LUZP2: variants seen among roughly 807,000 people sequenced by gnomAD.
The protein encoded by LUZP2 is leucine zipper protein 2.
LUZP2 carries 52 observed loss-of-function variants against 51.6 expected under a neutral mutation model. The ratio of observed to expected loss-of-function variants is 1.01; its 90% CI spans 0.81 to 1.27. The LOEUF (loss-of-function observed/expected upper bound fraction) is 1.27. LUZP2 is among the 50% of genes most tolerant of loss of function. The pLI is 0.00. For missense variants in LUZP2, 436 were observed against 395.4 expected (o/e 1.10, Z -0.87); for synonymous variants, 154 against 137.3 (o/e 1.12, Z -0.85).
chr11:25,081,250 T>A lies in LUZP2; in HGVS notation c.*2592T>A, dbSNP rs2134068104. 1 of 152,126 alleles carries A rather than the reference T, an allele frequency of 6.6e-6. No individual in the cohort carries two copies. The highest frequency in any genetic ancestry group is 2.4e-5 in the African/African-American group (1 of 41,510). The allele number at this position is 152,126 out of a possible 1,614,324, so 9.4% of individuals were successfully genotyped here. ...GGTTTCACCATGTTGGCCAGGCTGG[T>A]CTCGAACTCCTGACCTCAGGCGATC... On this transcript the variant is annotated 3_prime_UTR_variant, in exon 12 of 12. Coordinates refer to ENST00000336930, the MANE Select transcript of LUZP2 (RefSeq NM_001009909.4).
intron 5 of LUZP2, among the ~76,000 whole-genome samples, chr11:24,871,529 G>A (rs1041279574): frequency 2.0e-5 from 3 of 151,900 alleles, no homozygotes; most frequent in Admixed American, 6.6e-5. Flanking sequence ...TGTGAAAAAG[G>A]CTTTTCCAGG....
intron 1 of LUZP2, among the ~76,000 whole-genome samples, chr11:24,533,456 T>C (rs1851075872): frequency 6.6e-6 from 1 of 151,334 alleles, no homozygotes; most frequent in African/African-American, 2.4e-5. Flanking sequence ...TTTTCCTTGG[T>C]TTCACTTAAA....
At chr11:24,999,474 AAAAG>A (rs909779504) in intron 9 of LUZP2, among the ~76,000 whole-genome samples, 5 of 150,948 alleles carry the variant, frequency 3.3e-5, no homozygotes, top group African/African-American at 7.4e-5. Flanking sequence ...GAAAAGGAGA[AAAAG>A]AAGAAGAAGA....
intron 1 of LUZP2, among the ~76,000 whole-genome samples, chr11:24,528,587 A>G (rs1441177712): frequency 6.6e-6 from 1 of 151,286 alleles, no homozygotes; most frequent in Non-Finnish European, 1.5e-5. Context: ...TACATGTGCC[A>G]GTGACTTGTC....
intron 1 of LUZP2, among the ~76,000 whole-genome samples, chr11:24,578,946 A>G (rs891138848): frequency 6.6e-6 from 1 of 152,164 alleles, no homozygotes; most frequent in Non-Finnish European, 1.5e-5. Context: ...TTATTTAAAA[A>G]AGAAAGAAAC....
At chr11:24,627,189 G>A in intron 1 of LUZP2, among the ~76,000 whole-genome samples, 1 of 152,086 alleles carries the variant, frequency 6.6e-6, no homozygotes, top group East Asian at 1.9e-4. Context: ...TTTCTTTATG[G>A]GAAATACACT....
intron 5 of LUZP2, among the ~76,000 whole-genome samples, chr11:24,779,064 C>T (rs887846538): frequency 6.6e-6 from 1 of 152,070 alleles, no homozygotes; most frequent in African/African-American, 2.4e-5. Context: ...GTATGGTATT[C>T]TCTAGTACAT....
At chr11:24,897,946 G>T (rs1853137905) in intron 5 of LUZP2, among the ~76,000 whole-genome samples, 1 of 151,986 alleles carries the variant, frequency 6.6e-6, no homozygotes, top group African/African-American at 2.4e-5. Context: ...AGTGAAATTT[G>T]CAATTCAGAA....
chr11:24,547,938 C>T (rs1851612021), intron 1 of LUZP2, among the ~76,000 whole-genome samples: 1 of 152,020 alleles, frequency 6.6e-6, no homozygotes, highest in East Asian at 1.9e-4. Flanking sequence ...GGCCAATAAG[C>T]ATATTAAAAG....
At chr11:24,879,052 C>T (rs991595686) in intron 5 of LUZP2, among the ~76,000 whole-genome samples, 4 of 152,156 alleles carry the variant, frequency 2.6e-5, no homozygotes, top group Admixed American at 6.5e-5. Flanking sequence ...CTGCAAGCTC[C>T]GGCTCCTGGG....
chr11:24,631,609 T>C (rs1177820398), intron 1 of LUZP2, among the ~76,000 whole-genome samples: 1 of 152,016 alleles, frequency 6.6e-6, no homozygotes, highest in African/African-American at 2.4e-5. Flanking sequence ...TGCTGGTATT[T>C]TATGGAGGAT....
intron 1 of LUZP2, among the ~76,000 whole-genome samples, chr11:24,567,886 C>T (rs191147619): frequency 2.0e-5 from 3 of 152,108 alleles, no homozygotes; most frequent in Admixed American, 1.3e-4. Flanking sequence ...GAATTATAAT[C>T]CACACAAACA....
intron 1 of LUZP2, among the ~76,000 whole-genome samples, chr11:24,578,688 C>G (rs1852744384): frequency 1.3e-5 from 2 of 151,938 alleles, no homozygotes; most frequent in Non-Finnish European, 2.9e-5. Flanking sequence ...AAACAGAAAA[C>G]CAAATACTGT....
At chr11:24,739,241 G>A (rs976928161) in intron 4 of LUZP2, among the ~76,000 whole-genome samples, 9 of 151,966 alleles carry the variant, frequency 5.9e-5, no homozygotes, top group Admixed American at 4.6e-4. Context: ...CTTGGGATCG[G>A]ATAAATGGGC....
chr11:24,963,202 AG>A (rs1855470388), intron 7 of LUZP2, among the ~76,000 whole-genome samples: 2 of 152,172 alleles, frequency 1.3e-5, no homozygotes, highest in South Asian at 2.1e-4. Flanking sequence ...TAGGCTGCTC[AG>A]GGGTCAGGGG....
At chr11:24,925,826 T>G (rs1432122184) in intron 7 of LUZP2, among the ~76,000 whole-genome samples, 1 of 152,056 alleles carries the variant, frequency 6.6e-6, no homozygotes, top group East Asian at 1.9e-4. Context: ...TTTCTGAGAT[T>G]TTGGTGCATC....
At chr11:24,770,013 C>T (rs559817604) in intron 5 of LUZP2, among the ~76,000 whole-genome samples, 15 of 152,236 alleles carry the variant, frequency 9.9e-5, no homozygotes, top group African/African-American at 3.6e-4. Flanking sequence ...AGGCTGGTCT[C>T]GAACTCCTGA....
chr11:24,819,394 T>G (rs1419167664), intron 5 of LUZP2, among the ~76,000 whole-genome samples: 2 of 152,078 alleles, frequency 1.3e-5, no homozygotes, highest in African/African-American at 4.8e-5. Flanking sequence ...AAAACACTAG[T>G]AGTAGACCTT....
intron 1 of LUZP2, among the ~76,000 whole-genome samples, chr11:24,713,693 T>TTTG (rs1554978156): frequency 1.2e-4 from 17 of 143,486 alleles, no homozygotes; most frequent in African/African-American, 4.4e-4. Context: ...GTTTTTTTTT[T>TTTG]TTTTTTTTTT....
Sources: gnomAD v4.1 joint callset for allele counts (sites outside exome capture counted in the v4.1 genomes callset) on GRCh38, gnomAD v4.1.1 for gene constraint, MANE v1.5 for transcripts, NCBI Gene and HGNC (gene_info 2026-07-23, HGNC 2026-07-21) for gene names.